Variants in NME8 observed in about 807,000 individuals in gnomAD.
NME8 encodes NME/NM23 family member 8, also known as protein NME8.
NME8 carries 72 observed loss-of-function variants against 82.3 expected under a neutral mutation model. The observed-to-expected ratio is 0.87, with a 90% CI of 0.72 to 1.06. The LOEUF (loss-of-function observed/expected upper bound fraction) is 1.06, where lower values mean the gene tolerates loss of function less well. Ranked by LOEUF, NME8 falls within the 50% of genes least tolerant of loss-of-function variation. The pLI is 0.00. For synonymous variants in NME8, 267 were observed against 228.5 expected (o/e 1.17, Z -1.52); for missense variants, 712 against 685.4 (o/e 1.04, Z -0.43).
intron 6 of NME8, among the ~76,000 whole-genome samples, chr7:37,858,680 GGTAGGT>G (rs1288396077): frequency 1.3e-5 from 2 of 152,104 alleles, no homozygotes; most frequent in Non-Finnish European, 2.9e-5. Context: ...GCACGTAGTG[GGTAGGT>G]GCATGGGAAT....
intron 9 of NME8, among the ~76,000 whole-genome samples, 171 bp from the exon 10 acceptor site, chr7:37,865,354 A>T (rs1459927121): frequency 1.3e-5 from 2 of 152,260 alleles, no homozygotes; most frequent in African/African-American, 4.8e-5. Flanking sequence ...GTCAAATCTT[A>T]AAGTTTGTAT....
At chr7:37,864,247 A>G (rs1311257523) in intron 8 of NME8, 101 bp from the exon 9 acceptor site, 2 of 1,389,512 alleles carry the variant, frequency 1.4e-6, no homozygotes, top group Non-Finnish European at 2.0e-6. Flanking sequence ...GCAACAATTA[A>G]CTGATCATTA....
In NME8 at chr7:37,867,904, G is replaced by A. The variant is rs1178652728; in HGVS notation, c.818+6G>A. The A allele has an allele frequency of 6.2e-7, 1 of 1,612,396 alleles. No individual in the cohort carries two copies. Among genetic ancestry groups the A allele is most frequent in the East Asian group, 2.2e-5 (1 of 44,724 alleles). ...ATGAAGAACAAACAAGACAGGTATA[G>A]CTCAAGACCAGGAATTGTGTTACTT... On this transcript the variant is annotated splice_donor_region_variant and intron_variant, in intron 11 of 17. Transcript: ENST00000199447.
intron 16 of NME8, among the ~76,000 whole-genome samples, chr7:37,896,357 G>A (rs892007280): frequency 3.4e-5 from 5 of 145,454 alleles, no homozygotes; most frequent in African/African-American, 5.0e-5. Context: ...TGGGGATGAC[G>A]GCAAGTCAAG....
Position 37,884,393 on chromosome 7 carries a change from G to C in NME8, c.1085G>C (p.Cys362Ser). Reference protein sequence around the residue: ...VLSEKEAQALCKEYENEDYFN... With the variant: ...VLSEKEAQALSKEYENEDYFN... The stretch of plus-strand genomic sequence containing the variant: ...TCGGAAAAAGAAGCACAAGCACTGT[G>C]CAAGGAATATGAAAATGAAGACTAT... The change falls in exon 13 of 18, where the codon TGC becomes TCC. Residue 362 changes from cysteine (C) to serine (S), a missense_variant. By Grantham distance (112) the Cys-to-Ser change is moderately radical. Coordinates refer to ENST00000199447, the MANE Select transcript of NME8 (RefSeq NM_016616.5). 1 of 1,610,456 alleles carries C rather than the reference G, an allele frequency of 6.2e-7. No individual in the cohort carries two copies. Among genetic ancestry groups the C allele is most frequent in the Non-Finnish European group, 8.5e-7 (1 of 1,176,748 alleles).
chr7:37,852,243 G>A (rs910878585), intron 5 of NME8, among the ~76,000 whole-genome samples: 4 of 152,014 alleles, frequency 2.6e-5, no homozygotes, highest in Non-Finnish European at 4.4e-5. Flanking sequence ...GAAGTAAAGA[G>A]TTCTCATATA....
chr7:37,867,127 G>A (rs982144), intron 10 of NME8, among the ~76,000 whole-genome samples: 1 of 152,096 alleles, frequency 6.6e-6, no homozygotes, highest in East Asian at 1.9e-4. Context: ...GGTGAGCAGC[G>A]GGATGACTTT....
At chr7:37,885,704 A>G (rs1785030668) in intron 14 of NME8, among the ~76,000 whole-genome samples, 1 of 152,194 alleles carries the variant, frequency 6.6e-6, no homozygotes, top group Non-Finnish European at 1.5e-5. Flanking sequence ...GAAGTCAGCT[A>G]AACTTTGTAA....
chr7:37,889,674 G>A (rs1353305039), intron 15 of NME8, among the ~76,000 whole-genome samples: 2 of 150,770 alleles, frequency 1.3e-5, no homozygotes, highest in African/African-American at 2.4e-5. Context: ...TAAAATTCTG[G>A]TAGAAGAAAA....
intron 11 of NME8, among the ~76,000 whole-genome samples, chr7:37,873,892 G>T (rs1305731131): frequency 2.6e-5 from 4 of 152,194 alleles, no homozygotes; most frequent in African/African-American, 7.2e-5. Context: ...AATTGCACTT[G>T]CACTTTAGGT....
At chr7:37,882,597 A>AAGAAAGAGAG (rs1554365622) in intron 12 of NME8, among the ~76,000 whole-genome samples, 119 of 83,008 alleles carry the variant, frequency 1.4e-3, no homozygotes, top group Middle Eastern at 6.5e-3. Context: ...GAAAGAAAGA[A>AAGAAAGAGAG]AGAGAGAGAG....
intron 16 of NME8, 149 bp from the exon 17 acceptor site, chr7:37,896,721 G>GA (rs1175838257): frequency 2.9e-6 from 2 of 692,718 alleles, no homozygotes; most frequent in Non-Finnish European, 5.1e-6. Flanking sequence ...AGGGAGAAAT[G>GA]AAAAAAAGAA....
intron 11 of NME8, among the ~76,000 whole-genome samples, chr7:37,869,575 T>C (rs1784738959): frequency 6.6e-6 from 1 of 152,200 alleles, no homozygotes; most frequent in African/African-American, 2.4e-5. Context: ...GGCATGTTAA[T>C]TGGCATGTCA....
rs1330765391 is a variant in NME8 at position 37,897,000 on chromosome 7, A to C, written c.1675A>C (p.Ser559Arg). Reference protein sequence around the residue: ...PDSIRAQFGISKLKNIVHGAS... With the variant: ...PDSIRAQFGIRKLKNIVHGAS... ...CTCCATCCGAGCCCAGTTTGGAATAAGTAAATTGAAAAACATTGTCCATGG... is the reference window on the plus strand; with the variant it reads ...CTCCATCCGAGCCCAGTTTGGAATACGTAAATTGAAAAACATTGTCCATGG... The change falls in exon 17 of 18, where the codon AGT (serine) becomes CGT (arginine). Residue 559 changes from serine to arginine, a missense_variant. Ser to Arg is a moderately radical substitution (Grantham distance 110). Coordinates refer to ENST00000199447, the MANE Select transcript of NME8 (RefSeq NM_016616.5). The C allele has an allele frequency of 6.2e-7, 1 of 1,614,010 alleles. No homozygotes were observed.
Position 37,850,723 on chromosome 7 carries a change from G to A in NME8, c.186G>A (p.Leu62=). Residue 62 remains leucine (L), a synonymous_variant, in exon 5 of 18, where the codon CTG becomes CTA. Coordinates refer to ENST00000199447, the MANE Select transcript of NME8 (RefSeq NM_016616.5). ...LKNELNEDEI[L]HFAVAEADNI... ...ATGAACTGAACGAAGACGAAATTCT[G>A]CATTTTGCTGTCGTAAGAATTTTGT... is the stretch of plus-strand genomic sequence containing the variant. 1 of 1,610,408 alleles carries A rather than the reference G, an allele frequency of 6.2e-7. No homozygotes were observed. The highest frequency in any genetic ancestry group is 8.5e-7 in the Non-Finnish European group (1 of 1,176,960).
At chr7:37,885,752 G>C (rs1350294687) in intron 14 of NME8, among the ~76,000 whole-genome samples, 1 of 152,086 alleles carries the variant, frequency 6.6e-6, no homozygotes, top group African/African-American at 2.4e-5. Flanking sequence ...GCACATAGGG[G>C]GAACTCTTTC....
At chr7:37,888,142 C>A in intron 14 of NME8, 135 bp from the exon 15 acceptor site, 2 of 846,578 alleles carry the variant, frequency 2.4e-6, no homozygotes, top group Non-Finnish European at 3.9e-6. Context: ...CCGCCATGTA[C>A]TTACTTCCTT....
At chr7:37,892,396 C>T (rs1785142665) in intron 15 of NME8, among the ~76,000 whole-genome samples, 1 of 151,162 alleles carries the variant, frequency 6.6e-6, no homozygotes, top group East Asian at 1.9e-4. Context: ...TTTGAAGTTT[C>T]TGAGTATTTA....
At chr7:37,894,445 T>C in intron 15 of NME8, 21 bp from the exon 16 acceptor site, 1 of 1,607,804 alleles carries the variant, frequency 6.2e-7, no homozygotes, top group South Asian at 1.1e-5. Flanking sequence ...TGCAATATTA[T>C]CAAATATTTG....
Sources: allele counts gnomAD v4.1 joint callset (sites outside exome capture counted in the v4.1 genomes callset), GRCh38; gene constraint gnomAD v4.1.1; transcripts MANE v1.5; gene names NCBI Gene and HGNC (gene_info 2026-07-23, HGNC 2026-07-21).